Variants in ANKRD13B observed in about 807,000 individuals in gnomAD.
ANKRD13B encodes the protein ankyrin repeat domain-containing protein 13B.
A neutral mutation model predicts 74.4 loss-of-function variants in ANKRD13B; 33 were observed. The observed-to-expected ratio is 0.44, with a 90% CI of 0.34 to 0.59. The LOEUF is 0.59. ANKRD13B is among the 20% of genes least tolerant of loss of function. The probability of loss-of-function intolerance (pLI) is 0.02; values close to 1 mark genes in which losing one functional copy is unlikely to be tolerated. For missense variants in ANKRD13B, 676 were observed against 877.9 expected (o/e 0.77, Z 2.91); for synonymous variants, 341 against 362.9 (o/e 0.94, Z 0.68).
rs1228765709 is a variant in ANKRD13B at position 29,607,733 on chromosome 17, C to T, written c.115-9C>T. On this transcript the variant is annotated splice_polypyrimidine_tract_variant and intron_variant, in intron 1 of 14. Transcript: ENST00000394859. ...GGGGCTTTATCTTCCACTCCTCCTC[C>T]TCCTCCAGGTGGACATCGAGCAGCT... The T allele has an allele frequency of 5.6e-6, 9 of 1,594,098 alleles. No individual in the cohort carries two copies. Among genetic ancestry groups the T allele is most frequent in the African/African-American group, 1.3e-5 (1 of 74,778 alleles).
At chr17:29,600,581 G>C (rs540869939) in intron 1 of ANKRD13B, among the ~76,000 whole-genome samples, 1 of 152,326 alleles carries the variant, frequency 6.6e-6, no homozygotes, top group East Asian at 1.9e-4. Flanking sequence ...GTGTCCTGTG[G>C]TGAGGAAGGG....
chr17:29,602,944 C>T (rs569656229), intron 1 of ANKRD13B, among the ~76,000 whole-genome samples: 14 of 152,104 alleles, frequency 9.2e-5, no homozygotes, highest in South Asian at 2.1e-4. Context: ...CTCCCCTTCC[C>T]GGGTTCAAGC....
chr17:29,608,739 C>T lies in ANKRD13B; in HGVS notation c.422-112C>T. On this transcript the variant is annotated intron_variant, in intron 4 of 14. Coordinates refer to ENST00000394859, the MANE Select transcript of ANKRD13B (RefSeq NM_152345.5). This position sits in a 1 kb window ranked among gnomAD's most constrained non-coding sequence, Gnocchi z 6.4. The stretch of plus-strand genomic sequence containing the variant: ...TTTGGAGGAGAGGCTGCTCTCTCTT[C>T]AGTTCCCTCCCCTGTTCCTGGCCAC... 7.1e-7 allele frequency: 1 copy of T among 1,418,398 alleles called. No homozygotes were observed. Among genetic ancestry groups the T allele is most frequent in the Non-Finnish European group, 9.6e-7 (1 of 1,045,856 alleles). 87.9% of individuals were successfully genotyped at this position (1,418,398 alleles called of 1,614,324 possible).
intron 1 of ANKRD13B, among the ~76,000 whole-genome samples, chr17:29,600,737 G>A (rs972834884): frequency 6.6e-6 from 1 of 152,018 alleles, no homozygotes. Flanking sequence ...AGGGGGGCTG[G>A]GGGTCACCTG....
chr17:29,611,366 T>C lies in ANKRD13B; in HGVS notation c.905-213T>C, dbSNP rs1027758606. Among the ~76,000 whole-genome samples the C allele has an allele frequency of 3.3e-5, 5 of 152,302 alleles. No homozygotes were observed. The highest frequency in any genetic ancestry group is 6.5e-5 in the Admixed American group (1 of 15,300). The stretch of plus-strand genomic sequence containing the variant: ...GCTTCTGACCTCTAGGCCTTCCTTT[T>C]AGTGTTTTAAGCTGTGCTCACAGAG... On this transcript the variant is annotated intron_variant, in intron 8 of 14. Coordinates refer to ENST00000394859, the MANE Select transcript of ANKRD13B (RefSeq NM_152345.5). This position sits in a 1 kb window ranked among gnomAD's most constrained non-coding sequence, Gnocchi z 4.3.
chr17:29,593,795 G>A (rs1165125259), intron 1 of ANKRD13B, 60 bp downstream of exon 1: 1 of 1,074,112 alleles, frequency 9.3e-7, no homozygotes, highest in Non-Finnish European at 1.2e-6. Context: ...GTCCGGCCTG[G>A]GGAGGGGGTG....
chr17:29,607,852 C>T lies in ANKRD13B; in HGVS notation c.225C>T (p.Gly75=), dbSNP rs2034444049. The T allele has an allele frequency of 6.2e-7, 1 of 1,602,646 alleles. No homozygotes were observed. The highest frequency in any genetic ancestry group is 8.5e-7 in the Non-Finnish European group (1 of 1,176,664). ...RVLLAHGADV[G]RENRSGWTVL... The stretch of plus-strand genomic sequence containing the variant: ...TCCTGGCGCACGGCGCAGACGTGGG[C>T]AGGGAGAATCGCAGCGGCTGGACAG... The change falls in exon 2 of 15, where the codon GGC becomes GGT. Residue 75 remains glycine (G), a synonymous_variant. Coordinates refer to ENST00000394859, the MANE Select transcript of ANKRD13B (RefSeq NM_152345.5).
At chr17:29,595,783 C>T (rs895652956) in intron 1 of ANKRD13B, among the ~76,000 whole-genome samples, 3 of 152,162 alleles carry the variant, frequency 2.0e-5, no homozygotes, top group Non-Finnish European at 4.4e-5. Flanking sequence ...TGTTCAACCA[C>T]AGAGGAGCCA....
At chr17:29,602,606 TG>T (rs973160807) in intron 1 of ANKRD13B, among the ~76,000 whole-genome samples, 18 of 152,150 alleles carry the variant, frequency 1.2e-4, no homozygotes, top group Non-Finnish European at 2.5e-4. Flanking sequence ...CCCACCTCTC[TG>T]AGTGTCTTAG....
chr17:29,608,592 G>C lies in ANKRD13B; in HGVS notation c.422-259G>C. 1.7e-6 allele frequency: 1 copy of C among 579,412 alleles called. No homozygotes were observed. The highest frequency in any genetic ancestry group is 2.2e-5 in the South Asian group (1 of 44,708). 35.9% of individuals were successfully genotyped at this position (579,412 alleles called of 1,614,324 possible). ...ATATTTGTTGAAAGAATGGATGAAA[G>C]AGTGAGTGAGTGAATTAACAAATGA... On this transcript the variant is annotated intron_variant, in intron 4 of 14. Transcript: ENST00000394859. This position sits in a 1 kb window ranked among gnomAD's most constrained non-coding sequence, Gnocchi z 6.4.
At chr17:29,610,598 C>A in intron 7 of ANKRD13B, 87 bp from the exon 8 acceptor site, 1 of 1,220,106 alleles carries the variant, frequency 8.2e-7, no homozygotes, top group Non-Finnish European at 1.2e-6. Context: ...GGACCCTTTG[C>A]TACAGGGAGT....
chr17:29,593,415 C>G lies in ANKRD13B; in HGVS notation c.-207C>G. The G allele has an allele frequency of 6.8e-6, 1 of 146,542 alleles. No individual in the cohort carries two copies. Among genetic ancestry groups the G allele is most frequent in the South Asian group, 1.9e-4 (1 of 5,366 alleles). 9.1% of individuals were successfully genotyped at this position (146,542 alleles called of 1,614,324 possible). ...GTGGGGGCCTCTCCGCGCCGCCCGCCGCCGCCGCCTCGCGAGGACGCCCGT... is the reference window on the plus strand; with the variant it reads ...GTGGGGGCCTCTCCGCGCCGCCCGCGGCCGCCGCCTCGCGAGGACGCCCGT... On this transcript the variant is annotated 5_prime_UTR_variant, in exon 1 of 15. Transcript: ENST00000394859.
intron 1 of ANKRD13B, among the ~76,000 whole-genome samples, chr17:29,596,252 C>T (rs994220124): frequency 1.3e-5 from 2 of 152,366 alleles, no homozygotes; most frequent in South Asian, 2.1e-4. Context: ...CTTTGCTCAG[C>T]CCCAAATTGC....
intron 14 of ANKRD13B, 103 bp downstream of exon 14, chr17:29,613,066 C>A: frequency 6.9e-7 from 1 of 1,446,718 alleles, no homozygotes; most frequent in Non-Finnish European, 9.4e-7. Context: ...AGGGACCCTC[C>A]TGGTATCGGG....
chr17:29,610,939 T>C (rs1365596913), intron 8 of ANKRD13B, among the ~76,000 whole-genome samples, 173 bp downstream of exon 8: 2 of 152,196 alleles, frequency 1.3e-5, no homozygotes, highest in Non-Finnish European at 2.9e-5. Flanking sequence ...AGTGGCTGCC[T>C]AGAGTACTAA....
chr17:29,610,556 C>A, intron 7 of ANKRD13B, 129 bp from the exon 8 acceptor site: 1 of 636,388 alleles, frequency 1.6e-6, no homozygotes, highest in Non-Finnish European at 2.6e-6. Context: ...CATATATTCA[C>A]TTACCCAAAA....
In ANKRD13B at chr17:29,614,437, C is replaced by T. The variant is rs2034735315; in HGVS notation, c.*855C>T. 1 of 152,688 alleles carries T rather than the reference C, an allele frequency of 6.5e-6. No homozygotes were observed. Among genetic ancestry groups the T allele is most frequent in the Non-Finnish European group, 1.5e-5 (1 of 68,340 alleles). 9.5% of individuals were successfully genotyped at this position (152,688 alleles called of 1,614,324 possible). A position where few individuals can be genotyped will look rare whatever the true frequency, so the allele number is the denominator to read the frequency against. Reference sequence around the variant, plus strand: ...ACCCCTTCCCACCAGCTGCTGCTAGCCTCTGTGGTTGTACATCCCACTTGC... The same window carrying T: ...ACCCCTTCCCACCAGCTGCTGCTAGTCTCTGTGGTTGTACATCCCACTTGC... On this transcript the variant is annotated 3_prime_UTR_variant, in exon 15 of 15. Coordinates refer to ENST00000394859, the MANE Select transcript of ANKRD13B (RefSeq NM_152345.5).
At chr17:29,604,627 C>T (rs542574065) in intron 1 of ANKRD13B, among the ~76,000 whole-genome samples, 4 of 151,958 alleles carry the variant, frequency 2.6e-5, no homozygotes, top group East Asian at 1.9e-4. Flanking sequence ...CTGCAACCTC[C>T]GCCTCCTGGG....
Position 29,612,398 on chromosome 17 carries a change from T to C in ANKRD13B, c.1259-4T>C. On this transcript the variant is annotated splice_polypyrimidine_tract_variant and splice_region_variant and intron_variant, in intron 11 of 14. Coordinates refer to ENST00000394859, the MANE Select transcript of ANKRD13B (RefSeq NM_152345.5). The surrounding 1 kb of genome is among the most constrained non-coding windows in gnomAD (Gnocchi z 6.1). ...GTGGCGCCTAAAGGTTTCCTCATCC[T>C]CAGAAATCCCGATCTTCCACATCCT... The C allele has an allele frequency of 6.2e-7, 1 of 1,612,680 alleles. No homozygotes were observed.
Sources: gnomAD v4.1 joint callset for allele counts (sites outside exome capture counted in the v4.1 genomes callset) on GRCh38, gnomAD v4.1.1 for gene constraint, Gnocchi (gnomAD v3.1) non-coding constraint, MANE v1.5 for transcripts, NCBI Gene and HGNC (gene_info 2026-07-23, HGNC 2026-07-21) for gene names.